The following EML1 variants were observed in gnomAD, a reference collection of about 807,000 sequenced individuals.
The protein encoded by EML1 is EMAP like 1, also known as echinoderm microtubule-associated protein-like 1.
Under a neutral mutation model 110.4 loss-of-function variants are expected in EML1, and 27 were observed. The ratio of observed to expected loss-of-function variants is 0.24; its 90% CI spans 0.18 to 0.34. The LOEUF (loss-of-function observed/expected upper bound fraction) is 0.34. EML1 is among the 10% of genes least tolerant of loss of function. EML1 has a pLI of 1.00. For synonymous variants in EML1, 344 were observed against 385.8 expected, an observed-to-expected ratio of 0.89 and a Z score of 1.27; for missense variants, 741 against 1,030.9, an observed-to-expected ratio of 0.72 and a Z score of 3.85.
intron 12 of EML1, 139 bp downstream of exon 12, chr14:99,910,480 T>C (rs1595468763): frequency 1.3e-5 from 8 of 618,108 alleles, no homozygotes; most frequent in Middle Eastern, 4.3e-4. Flanking sequence ...CACACATACA[T>C]GTGTGCATGT....
intron 17 of EML1, among the ~76,000 whole-genome samples, chr14:99,927,833 AT>A (rs2060268275): frequency 4.7e-5 from 1 of 21,072 alleles, no homozygotes. Flanking sequence ...TGGTGGTGGT[AT>A]TGGTGGTGGT....
chr14:99,859,986 C>A (rs2058974166), intron 2 of EML1, among the ~76,000 whole-genome samples: 1 of 152,096 alleles, frequency 6.6e-6, no homozygotes, highest in African/African-American at 2.4e-5. Context: ...TCACAGCAGC[C>A]CTGCAAGGTG....
At chr14:99,887,106 T>A (rs533872682) in intron 4 of EML1, among the ~76,000 whole-genome samples, 4 of 152,318 alleles carry the variant, frequency 2.6e-5, no homozygotes, top group African/African-American at 9.6e-5. Context: ...AGTTTTTCCT[T>A]GGGGCAGATG....
chr14:99,838,928 T>C (rs372067704), intron 1 of EML1: 1 of 142,474 alleles, frequency 7.0e-6, no homozygotes, highest in African/African-American at 2.6e-5. Context: ...CGTGTGTGTG[T>C]GTGCGCGCGC....
intron 1 of EML1, among the ~76,000 whole-genome samples, chr14:99,815,832 C>T (rs571997355): frequency 2.0e-5 from 3 of 152,188 alleles, no homozygotes; most frequent in Middle Eastern, 3.4e-3. Context: ...TTGATTCTGT[C>T]GTAGAGATGC....
At chr14:99,932,324 C>T (rs2060385062) in intron 17 of EML1, among the ~76,000 whole-genome samples, 2 of 152,136 alleles carry the variant, frequency 1.3e-5, no homozygotes, top group South Asian at 4.1e-4. Context: ...TTGTGAAGTC[C>T]TGTTTCATTC....
In EML1 at chr14:99,893,921, C is replaced by T. The variant is rs368378658; in HGVS notation, c.548-708C>T. 1.1e-4 allele frequency among the ~76,000 whole-genome samples: 16 copies of T among 152,244 alleles called. No homozygotes were observed. In the East Asian group the frequency reaches 3.1e-3, roughly 29 times the overall value. On this transcript the variant is annotated intron_variant, in intron 5 of 21. Coordinates refer to ENST00000262233, the MANE Select transcript of EML1 (RefSeq NM_004434.3). ...GTCTAGGAGTTACCCCGTGTTGATA[C>T]GTTGTTGATATTTACTTTTGTCCCT...
Position 99,936,154 on chromosome 14 carries a change from T to C in EML1, c.2007+28T>C. 1 of 1,613,210 alleles carries C rather than the reference T, an allele frequency of 6.2e-7. No individual in the cohort carries two copies. The highest frequency in any genetic ancestry group is 8.5e-7 in the Non-Finnish European group (1 of 1,179,166). ...AAGCGCTGACAGTGGACCTGTCGCTTCTCATGCACTGCGTATAGTTTAACT... is the reference window on the plus strand; with the variant it reads ...AAGCGCTGACAGTGGACCTGTCGCTCCTCATGCACTGCGTATAGTTTAACT... On this transcript the variant is annotated intron_variant, in intron 18 of 21. Transcript: ENST00000262233. This position sits in a 1 kb window ranked among gnomAD's most constrained non-coding sequence, Gnocchi z 5.5.
At chr14:99,925,191 T>A (rs1255808910) in intron 17 of EML1, among the ~76,000 whole-genome samples, 1 of 152,190 alleles carries the variant, frequency 6.6e-6, no homozygotes, top group Non-Finnish European at 1.5e-5. Flanking sequence ...TTGGTGAAAC[T>A]ACCTGGGCCT....
chr14:99,875,091 T>G, intron 3 of EML1: 1 of 1,001,750 alleles, frequency 1.0e-6, no homozygotes, highest in Non-Finnish European at 1.5e-6. Flanking sequence ...TGCCTACCAT[T>G]CATCAAGTCA....
chr14:99,770,377 T>TCTATCTATCTATCTATCTA (rs2057411413), upstream of EML1, among the ~76,000 whole-genome samples: 7 of 150,186 alleles, frequency 4.7e-5, no homozygotes, highest in East Asian at 2.0e-4. Context: ...AAAAATTTCT[T>TCTATCTATCTATCTATCTA]TCTATCTATC....
At chr14:99,874,818 G>T in intron 3 of EML1, 1 of 868,168 alleles carries the variant, frequency 1.2e-6, no homozygotes, top group South Asian at 2.2e-5. Flanking sequence ...AATGTCTTTC[G>T]ATTTTGATGT....
chr14:99,782,026 C>T (rs1311016068), intron 1 of EML1, among the ~76,000 whole-genome samples: 1 of 152,210 alleles, frequency 6.6e-6, no homozygotes, highest in Non-Finnish European at 1.5e-5. Context: ...CCCGGGTCTG[C>T]ACCTACAGCA....
chr14:99,749,249 G>A lies in EML1; in HGVS notation c.28+11389G>A, dbSNP rs756511735. On this transcript the variant is annotated intron_variant, in intron 1 of 10. Transcript: ENST00000554479. ...GAGGAACCGCCAGGCTGTTTCCAGC[G>A]GTGGCTGCGCCATTTTCCCTTCCCA... Among the ~76,000 whole-genome samples the A allele has an allele frequency of 5.3e-5, 8 of 152,310 alleles. No homozygotes were observed. The South Asian group carries it at 6.2e-4, about 12-fold the overall frequency.
At chr14:99,913,237 A>G (rs1460637008) in intron 13 of EML1, among the ~76,000 whole-genome samples, 1 of 152,112 alleles carries the variant, frequency 6.6e-6, no homozygotes, top group Non-Finnish European at 1.5e-5. Context: ...GCTGGAGTGC[A>G]GTGGCGTGAT....
In EML1 at chr14:99,939,859, C is replaced by G. The variant is rs545817551; in HGVS notation, c.2323-128C>G. 2 of 1,234,378 alleles carry G rather than the reference C, an allele frequency of 1.6e-6. No homozygotes were observed. Among genetic ancestry groups the G allele is most frequent in the East Asian group, 2.6e-5 (1 of 38,744 alleles). 76.5% of individuals were successfully genotyped at this position (1,234,378 alleles called of 1,614,324 possible). On this transcript the variant is annotated intron_variant, in intron 21 of 21. Coordinates refer to ENST00000262233, the MANE Select transcript of EML1 (RefSeq NM_004434.3). This position sits in a 1 kb window ranked among gnomAD's most constrained non-coding sequence, Gnocchi z 4.2. ...CTGTGTCACACACAGAGCAGGTTCC[C>G]AAGTGAGAGCTGCCGAGCGGAGGGC...
At chr14:99,813,219 G>A (rs1007188871) in intron 1 of EML1, among the ~76,000 whole-genome samples, 1 of 152,146 alleles carries the variant, frequency 6.6e-6, no homozygotes, top group Admixed American at 6.5e-5. Context: ...AGGAACAGGG[G>A]ACGGTCTCAC....
intron 15 of EML1, 140 bp from the exon 16 acceptor site, chr14:99,917,642 A>G: frequency 1.3e-6 from 1 of 780,188 alleles, no homozygotes; most frequent in Admixed American, 2.9e-5. Context: ...TCTCTAGAAA[A>G]GAGACTTTTC....
chr14:99,899,958 G>A (rs1046379890), intron 8 of EML1, among the ~76,000 whole-genome samples: 8 of 152,048 alleles, frequency 5.3e-5, no homozygotes, highest in African/African-American at 1.9e-4. Flanking sequence ...ACTAGAACTT[G>A]GTTCACCTAA....
Sources: gnomAD v4.1 joint callset for allele counts (sites outside exome capture counted in the v4.1 genomes callset) on GRCh38, gnomAD v4.1.1 for gene constraint, Gnocchi (gnomAD v3.1) non-coding constraint, MANE v1.5 for transcripts, NCBI Gene and HGNC (gene_info 2026-07-23, HGNC 2026-07-21) for gene names.